Variants in ARMH4 observed in about 807,000 individuals in gnomAD.
ARMH4 encodes armadillo like helical domain containing 4.
Under a neutral mutation model 61.9 loss-of-function variants are expected in ARMH4, and 49 were observed. The ratio of observed to expected loss-of-function variants is 0.79; its 90% CI spans 0.63 to 1.00. The LOEUF is 1.00. Ranked by LOEUF, ARMH4 falls within the 50% of genes least tolerant of loss-of-function variation. The pLI, the probability that ARMH4 is intolerant of heterozygous loss-of-function variation, is 0.00. For missense variants in ARMH4, 934 were observed against 930.0 expected, an observed-to-expected ratio of 1.00 and a Z score of -0.06; for synonymous variants, 368 against 341.5, an observed-to-expected ratio of 1.08 and a Z score of -0.85.
chr14:58,126,609 A>G (rs1199373056), intron 4 of ARMH4, among the ~76,000 whole-genome samples: 1 of 152,200 alleles, frequency 6.6e-6, no homozygotes, highest in Non-Finnish European at 1.5e-5. Context: ...TTTCTGCCCC[A>G]TGTATGGTGC....
At position 58,049,975 on chromosome 14, in the gene ARMH4, G is replaced by A. The variant is rs1189755994; in HGVS notation, c.2090-37825C>T. Among the ~76,000 whole-genome samples, 4 of 152,064 alleles carry A rather than the reference G, an allele frequency of 2.6e-5. No individual in the cohort carries two copies. In the East Asian group the frequency reaches 7.7e-4, roughly 29 times the overall value. On this transcript the variant is annotated intron_variant, in intron 5 of 7. Transcript: ENST00000267485. ...TCCCTTTATGATTCAATGTTCCTTT[G>A]GCTTACAGTGTGAATGGACAGAAGC...
intron 1 of ARMH4, chr14:58,141,442 A>G (rs1887547586): frequency 1.9e-6 from 1 of 540,078 alleles, no homozygotes; most frequent in African/African-American, 1.9e-5. Flanking sequence ...GGATGGCCAC[A>G]CTCTCTCAGG....
At position 58,066,155 on chromosome 14, in the gene ARMH4, T is replaced by C. The variant is rs146953783; in HGVS notation, c.2089+30569A>G. 9.8e-5 allele frequency among the ~76,000 whole-genome samples: 15 copies of C among 152,334 alleles called. No homozygotes were observed. The East Asian group carries it at 2.5e-3, about 25-fold the overall frequency. ...TACTTCAATTAAAATGTGCACTAAT[T>C]TTTAGAAACTTCCAGGATAATTCTG... On this transcript the variant is annotated intron_variant, in intron 5 of 7. Coordinates refer to ENST00000267485, the MANE Select transcript of ARMH4 (RefSeq NM_001001872.4).
intron 4 of ARMH4, among the ~76,000 whole-genome samples, chr14:58,103,600 T>A (rs867613633): frequency 2.6e-5 from 4 of 151,074 alleles, no homozygotes; most frequent in Admixed American, 6.6e-5. Flanking sequence ...AGCACTATAT[T>A]TTTTTTTGGA....
chr14:58,138,820 G>C lies in ARMH4; in HGVS notation c.539C>G (p.Thr180Arg). The change falls in exon 2 of 8, where the codon ACA becomes AGA. Residue 180 changes from threonine (T) to arginine (R), a missense_variant. Transcript: ENST00000267485. The stretch of plus-strand genomic sequence containing the variant: ...ATCCATATACTTCAGAAAACCTTTT[G>C]TGGTTTCTGTGATCTCTTCTACAAT... ...QPIVEEITET[T>R]KGFLKYMDNQ... 6.2e-7 allele frequency: 1 copy of C among 1,614,210 alleles called. No homozygotes were observed. Among genetic ancestry groups the C allele is most frequent in the African/African-American group, 1.3e-5 (1 of 75,060 alleles).
intron 4 of ARMH4, chr14:58,101,638 G>T (rs1366422212): frequency 1.3e-5 from 2 of 151,756 alleles, no homozygotes; most frequent in Admixed American, 6.6e-5. Flanking sequence ...AAATTACTTG[G>T]GTTTTTTTTT....
chr14:58,038,994 C>A (rs1428179664), intron 5 of ARMH4, among the ~76,000 whole-genome samples: 1 of 152,128 alleles, frequency 6.6e-6, no homozygotes, highest in Non-Finnish European at 1.5e-5. Context: ...CCCAGGCACC[C>A]ACCACCACCC....
intron 1 of ARMH4, among the ~76,000 whole-genome samples, chr14:58,148,193 T>A (rs1041359521): frequency 2.0e-5 from 3 of 152,142 alleles, no homozygotes; most frequent in Non-Finnish European, 2.9e-5. Context: ...ATAACAGGCA[T>A]GTGCCACCAC....
intron 4 of ARMH4, among the ~76,000 whole-genome samples, chr14:58,126,264 C>T (rs1886891996): frequency 6.6e-6 from 1 of 152,160 alleles, no homozygotes; most frequent in Non-Finnish European, 1.5e-5. Flanking sequence ...CAGTATGAGG[C>T]CACCAGACTC....
chr14:58,073,557 C>A (rs893359186), intron 5 of ARMH4, among the ~76,000 whole-genome samples: 1 of 152,144 alleles, frequency 6.6e-6, no homozygotes, highest in South Asian at 2.1e-4. Context: ...CTCTTAAGCT[C>A]CTCACTTAAT....
chr14:58,043,436 G>A (rs1021372627), intron 5 of ARMH4, among the ~76,000 whole-genome samples: 6 of 152,102 alleles, frequency 3.9e-5, no homozygotes, highest in African/African-American at 1.4e-4. Flanking sequence ...AATCAATTAG[G>A]TATTGATGGG....
rs150566056 is a variant in ARMH4 at position 58,012,116 on chromosome 14, T to C, written c.2121+3A>G. 23,337 of 1,479,044 alleles carry C rather than the reference T, an allele frequency of 0.016. 369 individuals are homozygous for C. Among genetic ancestry groups the C allele is most frequent in the Middle Eastern group, 0.059 (334 of 5,660 alleles). 91.6% of individuals were successfully genotyped at this position (1,479,044 alleles called of 1,614,324 possible). A position where few individuals can be genotyped will look rare whatever the true frequency, so the allele number is the denominator to read the frequency against. On this transcript the variant is annotated splice_donor_region_variant and intron_variant, in intron 6 of 7. Transcript: ENST00000267485. ...AACCAATGGAAGAAAATACTTTTCT[T>C]ACCTTGTCTTTTAATTTTTCCATCC...
chr14:58,144,343 C>T (rs935546501), intron 1 of ARMH4, among the ~76,000 whole-genome samples: 1 of 152,092 alleles, frequency 6.6e-6, no homozygotes, highest in South Asian at 2.1e-4. Context: ...GCAGGAGGAT[C>T]ATCTGAGCCC....
chr14:58,055,343 T>A (rs1884311626), intron 5 of ARMH4, among the ~76,000 whole-genome samples: 1 of 152,218 alleles, frequency 6.6e-6, no homozygotes, highest in Non-Finnish European at 1.5e-5. Context: ...CAGCATTCAG[T>A]TAGACTTTTC....
chr14:58,092,642 A>G (rs1486998809), intron 5 of ARMH4, among the ~76,000 whole-genome samples: 1 of 152,092 alleles, frequency 6.6e-6, no homozygotes, highest in Non-Finnish European at 1.5e-5. Context: ...CAGCTTCTAG[A>G]GGCTGACAGC....
At chr14:58,034,996 G>A (rs1305804883) in intron 5 of ARMH4, among the ~76,000 whole-genome samples, 1 of 109,238 alleles carries the variant, frequency 9.2e-6, no homozygotes, top group South Asian at 3.1e-4. Flanking sequence ...ACAGATCCAT[G>A]AGACAGAAAG....
intron 1 of ARMH4, among the ~76,000 whole-genome samples, chr14:58,144,056 G>A (rs1378551984): frequency 6.6e-6 from 1 of 152,094 alleles, no homozygotes; most frequent in Non-Finnish European, 1.5e-5. Flanking sequence ...TTACAGGTGT[G>A]AGCCACCACA....
chr14:58,144,773 C>G (rs1887682509), intron 1 of ARMH4, among the ~76,000 whole-genome samples: 1 of 152,006 alleles, frequency 6.6e-6, no homozygotes, highest in African/African-American at 2.4e-5. Flanking sequence ...GAGGCTGAGG[C>G]AGGAGAATGG....
chr14:58,050,520 A>G (rs1308391848), intron 5 of ARMH4, among the ~76,000 whole-genome samples: 3 of 152,214 alleles, frequency 2.0e-5, no homozygotes, highest in African/African-American at 7.2e-5. Flanking sequence ...AAGGAAACAA[A>G]GCACAGACAT....
Sources: allele counts gnomAD v4.1 joint callset (sites outside exome capture counted in the v4.1 genomes callset), GRCh38; gene constraint gnomAD v4.1.1; transcripts MANE v1.5; gene names NCBI Gene and HGNC (gene_info 2026-07-23, HGNC 2026-07-21).